LRRC56: variants seen among roughly 807,000 people sequenced by gnomAD.
LRRC56 encodes the protein leucine-rich repeat-containing protein 56.
In LRRC56, 41 loss-of-function variants were observed where a neutral mutation model predicts 47.8. The ratio of observed to expected loss-of-function variants is 0.86; its 90% CI spans 0.67 to 1.11. LRRC56 has a LOEUF of 1.11. Among genes scored for constraint, LRRC56 ranks in the 50% most tolerant of loss-of-function variants. The pLI is 0.00. For synonymous variants in LRRC56, 387 were observed against 311.2 expected, an observed-to-expected ratio of 1.24 and a Z score of -2.56; for missense variants, 759 against 704.2, an observed-to-expected ratio of 1.08 and a Z score of -0.88.
chr11:525,517 T>G, the LRRC56 span, among the ~76,000 whole-genome samples: 3 of 149,610 alleles, frequency 2.0e-5, no homozygotes, highest in Non-Finnish European at 3.0e-5. Flanking sequence ...CCAGCCTGGG[T>G]GACAGAGGTG....
intron 5 of LRRC56, among the ~76,000 whole-genome samples, chr11:542,819 C>CAA (rs988976711): frequency 5.5e-4 from 83 of 152,054 alleles, no homozygotes; most frequent in African/African-American, 1.9e-3. Flanking sequence ...GTGCGATGGC[C>CAA]AAAGTCAGGA....
rs1042370562 is a variant in LRRC56, at chr11:538,813, G to A, written c.-206G>A. On this transcript the variant is annotated 5_prime_UTR_variant, in exon 2 of 14. It adds an upstream start codon to the 5' untranslated region. Transcript: ENST00000270115. Reference sequence around the variant, plus strand: ...AGCACGCAGGCCACGTGCAGGCCACGTGCAGCCCACAGCTCTGGGGCGAGG... The same window carrying A: ...AGCACGCAGGCCACGTGCAGGCCACATGCAGCCCACAGCTCTGGGGCGAGG... The A allele has an allele frequency of 1.3e-4, 19 of 148,684 alleles. No individual in the cohort carries two copies. Among genetic ancestry groups the A allele is most frequent in the Non-Finnish European group, 1.9e-4 (13 of 67,384 alleles). The allele number at this position is 148,684 out of a possible 1,614,324, so 9.2% of individuals were successfully genotyped here.
chr11:550,734 A>T lies in LRRC56; in HGVS notation c.625-397A>T, dbSNP rs576223532. On this transcript the variant is annotated intron_variant, in intron 8 of 13. Transcript: ENST00000270115. The stretch of plus-strand genomic sequence containing the variant: ...CTGGCGTAGCTCACAGACCCTACAC[A>T]GGGCACATCTGCCCTGAGCTCACAG... Among the ~76,000 whole-genome samples the T allele has an allele frequency of 9.9e-5, 15 of 152,208 alleles. No homozygotes were observed. In the East Asian group the frequency reaches 2.9e-3, roughly 29 times the overall value.
At position 552,146 on chromosome 11, in the gene LRRC56, C is replaced by T. The variant is rs750754137; in HGVS notation, c.1095C>T (p.Ser365=). ...ACAGGCCAGGAGATCCGGCCGCCAG[C>T]ACTTCCACCCCAGAGCCTGACCCTG... ...PQHRPGDPAA[S]TSTPEPDPAD... The change falls in exon 12 of 14, where the codon AGC becomes AGT. Residue 365 remains serine, a synonymous_variant. Transcript: ENST00000270115. The T allele has an allele frequency of 6.2e-7, 1 of 1,612,694 alleles. No homozygotes were observed. The highest frequency in any genetic ancestry group is 1.1e-5 in the South Asian group (1 of 91,080).
At chr11:537,943 C>T (rs1462027887) in intron 1 of LRRC56, among the ~76,000 whole-genome samples, 1 of 152,070 alleles carries the variant, frequency 6.6e-6, no homozygotes, top group East Asian at 1.9e-4. Flanking sequence ...GGTGAAGGGG[C>T]GAGGGCAGCA....
chr11:545,678 C>T (rs569402172), intron 6 of LRRC56, among the ~76,000 whole-genome samples: 2 of 152,324 alleles, frequency 1.3e-5, no homozygotes, highest in South Asian at 4.1e-4. Context: ...GAGCTGAAGA[C>T]GTTGGCGGCT....
In LRRC56 at chr11:554,046, C is replaced by T. The variant is rs150720801; in HGVS notation, c.1399C>T (p.Arg467Trp). The T allele has an allele frequency of 1.2e-5, 19 of 1,611,886 alleles. No individual in the cohort carries two copies. In the African/African-American group the frequency reaches 1.3e-4, roughly 11 times the overall value. ...RPRDSGSSSPRWSTDLQSRGR... is the reference protein window; with the variant it reads ...RPRDSGSSSPWWSTDLQSRGR... ...ACGAGATTCTGGCAGCAGCTCCCCG[C>T]GGTGGTCGACAGACCTGCAGTCCAG... Residue 467 changes from arginine to tryptophan, a missense_variant, in exon 14 of 14, where the codon CGG becomes TGG. By Grantham distance (101) the Arg-to-Trp change is moderately radical. Coordinates refer to ENST00000270115, the MANE Select transcript of LRRC56 (RefSeq NM_198075.4).
chr11:519,270 ACGCGGGC>A, the LRRC56 span, among the ~76,000 whole-genome samples: 1 of 150,010 alleles, frequency 6.7e-6, no homozygotes, highest in South Asian at 2.1e-4. Context: ...CTTTATTAGA[ACGCGGGC>A]TGATACACAG....
intron 5 of LRRC56, among the ~76,000 whole-genome samples, chr11:544,074 G>C (rs1390433358): frequency 2.0e-5 from 3 of 152,198 alleles, no homozygotes; most frequent in Non-Finnish European, 4.4e-5. Flanking sequence ...CACAATGCAG[G>C]GATTCTGTCT....
At chr11:551,064 AAG>A (rs1391198379) in intron 8 of LRRC56, 65 bp from the exon 9 acceptor site, 2 of 956,488 alleles carry the variant, frequency 2.1e-6, no homozygotes, top group Non-Finnish European at 3.0e-6. Flanking sequence ...GAGCCAGGGA[AAG>A]AGCTGGCCGG....
the LRRC56 span, among the ~76,000 whole-genome samples, chr11:525,112 GA>G: frequency 1.4e-5 from 2 of 138,506 alleles, no homozygotes; most frequent in Non-Finnish European, 3.1e-5. Flanking sequence ...AAAAAAAATA[GA>G]CAACTTGGGG....
chr11:517,304 C>T, the LRRC56 span, among the ~76,000 whole-genome samples: 3 of 151,918 alleles, frequency 2.0e-5, no homozygotes, highest in South Asian at 2.1e-4. Flanking sequence ...TCTGCCCGGC[C>T]GCCCATCGTC....
chr11:518,012 C>T, the LRRC56 span, among the ~76,000 whole-genome samples: 1 of 152,098 alleles, frequency 6.6e-6, no homozygotes, highest in African/African-American at 2.4e-5. Context: ...CTCAACTACC[C>T]AGGGACACAA....
At chr11:544,272 A>C (rs1198995859) in intron 5 of LRRC56, among the ~76,000 whole-genome samples, 1 of 152,032 alleles carries the variant, frequency 6.6e-6, no homozygotes, top group African/African-American at 2.4e-5. Context: ...GGTGGGGCCC[A>C]GACTTTGAGC....
rs1308212987 is a variant in LRRC56 at position 554,819 on chromosome 11, G to A, written c.*543G>A. The A allele has an allele frequency of 1.1e-5, 6 of 560,120 alleles. No homozygotes were observed. The Admixed American group carries it at 2.0e-4, about 19-fold the overall frequency. 34.7% of individuals were successfully genotyped at this position (560,120 alleles called of 1,614,324 possible). A position where few individuals can be genotyped will look rare whatever the true frequency, so the allele number is the denominator to read the frequency against. On this transcript the variant is annotated 3_prime_UTR_variant, in exon 14 of 14. Coordinates refer to ENST00000270115, the MANE Select transcript of LRRC56 (RefSeq NM_198075.4). Reference sequence around the variant, plus strand: ...CCGTTCCCTCCTCTTGGCGCAGGACGCCCCGGAACCCAAACCAACATTTCC... The same window carrying A: ...CCGTTCCCTCCTCTTGGCGCAGGACACCCCGGAACCCAAACCAACATTTCC...
chr11:508,177 T>C, the LRRC56 span, among the ~76,000 whole-genome samples: 442 of 152,344 alleles, frequency 2.9e-3, 1 homozygote, highest in Non-Finnish European at 5.4e-3. Flanking sequence ...ATTAGGTATT[T>C]GTTTTCGAGA....
chr11:553,208 A>G (rs1460788687), intron 13 of LRRC56, among the ~76,000 whole-genome samples: 1 of 152,198 alleles, frequency 6.6e-6, no homozygotes, highest in Non-Finnish European at 1.5e-5. Flanking sequence ...AGTGCCCTTT[A>G]CGAAGGACAC....
chr11:554,076 C>T lies in LRRC56; in HGVS notation c.1429C>T (p.Arg477Cys), dbSNP rs766388739. 2.4e-5 allele frequency: 38 copies of T among 1,608,654 alleles called. 1 individual carries two copies. The highest frequency in any genetic ancestry group is 4.4e-5 in the South Asian group (4 of 90,844). ...GTCGACAGACCTGCAGTCCAGGGGG[C>T]GTCGGCTCCGAGTCCTGGGCAGCTG... ...RWSTDLQSRG[R>C]RLRVLGSWGP... The change falls in exon 14 of 14, where the codon CGT (arginine) becomes TGT (cysteine). Residue 477 changes from arginine to cysteine, a missense_variant. Coordinates refer to ENST00000270115, the MANE Select transcript of LRRC56 (RefSeq NM_198075.4).
At chr11:550,569 C>T (rs1322950920) in intron 8 of LRRC56, among the ~76,000 whole-genome samples, 1 of 152,220 alleles carries the variant, frequency 6.6e-6, no homozygotes, top group Non-Finnish European at 1.5e-5. Context: ...ACCACGTGTA[C>T]ACGGATGTGT....
Sources: allele counts gnomAD v4.1 joint callset (sites outside exome capture counted in the v4.1 genomes callset), GRCh38; gene constraint gnomAD v4.1.1; transcripts MANE v1.5; gene names NCBI Gene and HGNC (gene_info 2026-07-23, HGNC 2026-07-21).